TIMP2: variants seen among roughly 807,000 people sequenced by gnomAD.
TIMP2 encodes metalloproteinase inhibitor 2.
In TIMP2, 5 loss-of-function variants were observed where a neutral mutation model predicts 24.3. The ratio of observed to expected loss-of-function variants is 0.21; its 90% CI spans 0.11 to 0.43. TIMP2 has a LOEUF of 0.43. TIMP2 is among the 20% of genes least tolerant of loss of function. The pLI is 1.00. For synonymous variants in TIMP2, 130 were observed against 123.2 expected (o/e 1.06, Z -0.37); for missense variants, 221 against 297.5 (o/e 0.74, Z 1.89).
At position 78,854,538 on chromosome 17, in the gene TIMP2, C is replaced by T. The variant is rs1397853321; in HGVS notation, c.*1129G>A. 2 of 152,220 alleles carry T rather than the reference C, an allele frequency of 1.3e-5. No homozygotes were observed. The highest frequency in any genetic ancestry group is 4.8e-5 in the African/African-American group (2 of 41,516). 9.4% of individuals were successfully genotyped at this position (152,220 alleles called of 1,614,324 possible). On this transcript the variant is annotated 3_prime_UTR_variant, in exon 5 of 5. Transcript: ENST00000262768. ...GGCTGAGAAAGAAGTGAGTGTGTCA[C>T]CAAAGCCACCTACCTCCAAAATCCT...
At chr17:78,901,641 T>C (rs993869873) in intron 1 of TIMP2, 5 of 699,140 alleles carry the variant, frequency 7.2e-6, no homozygotes, top group African/African-American at 5.3e-5. Context: ...CTATGTGACC[T>C]AGGCCAAGCG....
At chr17:78,860,581 G>C (rs560879009) in intron 3 of TIMP2, among the ~76,000 whole-genome samples, 3 of 152,180 alleles carry the variant, frequency 2.0e-5, no homozygotes, top group Non-Finnish European at 4.4e-5. Flanking sequence ...TCTTATGCTC[G>C]CACTTCCTGT....
At chr17:78,879,443 G>T (rs559499760) in intron 1 of TIMP2, among the ~76,000 whole-genome samples, 1 of 152,330 alleles carries the variant, frequency 6.6e-6, no homozygotes, top group Admixed American at 6.5e-5. Flanking sequence ...GGGAAGAAAT[G>T]AAAATTGTGG....
Position 78,920,751 on chromosome 17 carries a change from C to T in TIMP2, c.130+4208G>A, listed in dbSNP as rs2070302804. On this transcript the variant is annotated intron_variant, in intron 1 of 4. Coordinates refer to ENST00000262768, the MANE Select transcript of TIMP2 (RefSeq NM_003255.5). This position sits in a 1 kb window ranked among gnomAD's most constrained non-coding sequence, Gnocchi z 4.5. The stretch of plus-strand genomic sequence containing the variant: ...TGTTGTTAATTATTTACCGAAACCA[C>T]ACTGAGTGGACTGACTTTATACCAC... Among the ~76,000 whole-genome samples the T allele has an allele frequency of 6.6e-6, 1 of 152,166 alleles. No homozygotes were observed. Among genetic ancestry groups the T allele is most frequent in the South Asian group, 2.1e-4 (1 of 4,832 alleles).
At chr17:78,913,824 G>A (rs376867133) in intron 1 of TIMP2, among the ~76,000 whole-genome samples, 3 of 150,780 alleles carry the variant, frequency 2.0e-5, no homozygotes, top group Non-Finnish European at 4.4e-5. Context: ...CCCAGGAGGC[G>A]GAGGTTGCAG....
chr17:78,871,462 A>AG (rs999996827), intron 2 of TIMP2, among the ~76,000 whole-genome samples: 18 of 127,748 alleles, frequency 1.4e-4, no homozygotes, highest in Middle Eastern at 3.8e-3. Flanking sequence ...AAAAAAAAAA[A>AG]AAAAAAAAGA....
At chr17:78,911,419 G>A (rs1434228040) in intron 1 of TIMP2, among the ~76,000 whole-genome samples, 3 of 150,598 alleles carry the variant, frequency 2.0e-5, no homozygotes, top group African/African-American at 7.3e-5. Flanking sequence ...CAGTGCTTTT[G>A]TTGTTTTTGT....
Position 78,925,072 on chromosome 17 carries a change from C to T in TIMP2, c.17G>A (p.Arg6His). 1.3e-6 allele frequency: 1 copy of T among 748,302 alleles called. No individual in the cohort carries two copies. The highest frequency in any genetic ancestry group is 2.3e-5 in the African/African-American group (1 of 42,698). 46.4% of individuals were successfully genotyped at this position (748,302 alleles called of 1,614,324 possible). Residue 6 changes from arginine to histidine, a missense_variant, in exon 1 of 5, where the codon CGC becomes CAC. Physicochemically the swap from Arg to His is conservative, Grantham distance 29. Transcript: ENST00000262768. The part of the protein sequence containing the change: MGAAA[R>H]TLRLALGLLL... ...GAGGCCGAGCGCCAGCCGCAGGGTG[C>T]GGGCCGCGGCGCCCATGGCGGGCCG...
intron 1 of TIMP2, among the ~76,000 whole-genome samples, chr17:78,886,231 G>A (rs2069824139): frequency 1.3e-5 from 2 of 152,180 alleles, no homozygotes; most frequent in Admixed American, 1.3e-4. Flanking sequence ...TTTAGCTCGT[G>A]TGGTCAAGAA....
chr17:78,855,777 C>T lies in TIMP2; in HGVS notation c.553G>A (p.Gly185Arg). ...CAGGCGAAGAACTTGGCCTGGTGCC[C>T]GTTGATGTTCTTCTCTGTGACCCAG... is the stretch of plus-strand genomic sequence containing the variant. ...MDWVTEKNIN[G>R]HQAKFFACIK... Residue 185 changes from glycine (G) to arginine (R), a missense_variant, in exon 5 of 5, where the codon GGG (glycine) becomes AGG (arginine). Coordinates refer to ENST00000262768, the MANE Select transcript of TIMP2 (RefSeq NM_003255.5). This position sits in a 1 kb window ranked among gnomAD's most constrained non-coding sequence, Gnocchi z 6.0. The T allele has an allele frequency of 2.5e-6, 4 of 1,614,182 alleles. No homozygotes were observed. Among genetic ancestry groups the T allele is most frequent in the Non-Finnish European group, 3.4e-6 (4 of 1,180,026 alleles).
intron 1 of TIMP2, among the ~76,000 whole-genome samples, chr17:78,918,936 C>T (rs2070286609): frequency 6.6e-6 from 1 of 151,370 alleles, no homozygotes; most frequent in African/African-American, 2.4e-5. Context: ...TCTGTGATTG[C>T]ACCACTGCAC....
Position 78,925,108 on chromosome 17 carries a change from CG to C in TIMP2, c.-21del. The stretch of plus-strand genomic sequence containing the variant: ...GCCCATGGCGGGCCGGGGGGCTGGG[CG>C]GGCGGGGGCCGCCGCTGGGGGGTCC... On this transcript the variant is annotated 5_prime_UTR_variant, in exon 1 of 5. Coordinates refer to ENST00000262768, the MANE Select transcript of TIMP2 (RefSeq NM_003255.5). The C allele has an allele frequency of 9.2e-5, 2 of 21,784 alleles. No individual in the cohort carries two copies. Among genetic ancestry groups the C allele is most frequent in the Non-Finnish European group, 1.8e-4 (2 of 11,192 alleles). The allele number at this position is 21,784 out of a possible 1,614,324, so 1.3% of individuals were successfully genotyped here. A position where few individuals can be genotyped will look rare whatever the true frequency, so the allele number is the denominator to read the frequency against.
In TIMP2 at chr17:78,863,774, CAT is replaced by C. The variant is rs1262669342; in HGVS notation, c.341-6130_341-6129del. Reference sequence around the variant, plus strand: ...GGTCACTGTCATCTCCAGTGTAAGACATAAAATTATCAGCTACCCTTGAGTGG... The same window carrying C: ...GGTCACTGTCATCTCCAGTGTAAGACAAAATTATCAGCTACCCTTGAGTGG... On this transcript the variant is annotated intron_variant, in intron 3 of 4. Transcript: ENST00000262768. Among the ~76,000 whole-genome samples, 4 of 152,260 alleles carry C rather than the reference CAT, an allele frequency of 2.6e-5. No individual in the cohort carries two copies. In the East Asian group the frequency reaches 7.7e-4, roughly 29 times the overall value.
chr17:78,867,891 G>A (rs1050176381), intron 3 of TIMP2, among the ~76,000 whole-genome samples: 6 of 151,912 alleles, frequency 3.9e-5, no homozygotes, highest in African/African-American at 9.7e-5. Context: ...GAGCCACCTC[G>A]CCCGGCCCCT....
chr17:78,858,171 G>A (rs1599143873), intron 3 of TIMP2, among the ~76,000 whole-genome samples: 1 of 152,220 alleles, frequency 6.6e-6, no homozygotes, highest in Admixed American at 6.5e-5. Flanking sequence ...GGCCAGGGGC[G>A]GTGGCTCATG....
chr17:78,919,929 G>C (rs945292914), intron 1 of TIMP2, among the ~76,000 whole-genome samples: 1 of 152,180 alleles, frequency 6.6e-6, no homozygotes, highest in Non-Finnish European at 1.5e-5. Flanking sequence ...GGGGGACAGA[G>C]AGAGTGTCCA....
chr17:78,887,924 C>T (rs533435778), intron 1 of TIMP2, among the ~76,000 whole-genome samples: 3 of 152,214 alleles, frequency 2.0e-5, no homozygotes, highest in Admixed American at 2.0e-4. Context: ...GAAGCTCATA[C>T]ACGCGATGAG....
intron 1 of TIMP2, chr17:78,890,824 G>C: frequency 6.4e-7 from 1 of 1,550,574 alleles, no homozygotes; most frequent in Non-Finnish European, 8.7e-7. Context: ...CCCTTTCCTG[G>C]GCTCTCGTGG....
At chr17:78,912,684 G>C (rs866634606) in intron 1 of TIMP2, among the ~76,000 whole-genome samples, 1 of 152,230 alleles carries the variant, frequency 6.6e-6, no homozygotes, top group Non-Finnish European at 1.5e-5. Flanking sequence ...AATCCGGGGA[G>C]AGAGGAGCCA....
Sources: gnomAD v4.1 joint callset for allele counts (sites outside exome capture counted in the v4.1 genomes callset) on GRCh38, gnomAD v4.1.1 for gene constraint, Gnocchi (gnomAD v3.1) non-coding constraint, MANE v1.5 for transcripts, NCBI Gene and HGNC (gene_info 2026-07-23, HGNC 2026-07-21) for gene names.